THNSL1: variants seen among roughly 807,000 people sequenced by gnomAD.
The protein encoded by THNSL1 is threonine synthase-like 1.
Under a neutral mutation model 50.4 loss-of-function variants are expected in THNSL1, and 48 were observed. That is an observed-to-expected ratio of 0.95 (90% CI 0.76 to 1.21). THNSL1 has a LOEUF of 1.21. THNSL1 is among the 50% of genes most tolerant of loss of function. THNSL1 has a pLI of 0.00. For missense variants in THNSL1, 896 were observed against 871.7 expected (o/e 1.03, Z -0.35); for synonymous variants, 309 against 306.1 (o/e 1.01, Z -0.10).
chr10:25,023,466 T>C lies in THNSL1; in HGVS notation c.243T>C (p.Cys81=). The C allele has an allele frequency of 6.2e-7, 1 of 1,614,116 alleles. No homozygotes were observed. Residue 81 remains cysteine, a synonymous_variant, in exon 3 of 3, where the codon TGT becomes TGC. Transcript: ENST00000376356. ...GAATAATAGGTCAGAAACTAGGTTG[T>C]TGTGTCATAGATGTGGATGATGATA... ...VGRIIGQKLG[C]CVIDVDDDIL...
At chr10:24,973,865 T>C in the THNSL1 span, among the ~76,000 whole-genome samples, 1 of 152,182 alleles carries the variant, frequency 6.6e-6, no homozygotes, top group African/African-American at 2.4e-5. Context: ...GTGATTCTCC[T>C]GCCTCAGCCC....
the THNSL1 span, among the ~76,000 whole-genome samples, chr10:24,974,429 T>A: frequency 1.3e-5 from 2 of 152,202 alleles, no homozygotes; most frequent in Non-Finnish European, 2.9e-5. Context: ...ACTTTAATTG[T>A]ATTTACATGA....
chr10:24,977,731 T>C, the THNSL1 span, among the ~76,000 whole-genome samples: 1 of 152,238 alleles, frequency 6.6e-6, no homozygotes, highest in Non-Finnish European at 1.5e-5. Context: ...TATGTGTGTA[T>C]GTAATTATTA....
the THNSL1 span, among the ~76,000 whole-genome samples, chr10:24,985,287 T>C: frequency 1.3e-5 from 2 of 152,230 alleles, no homozygotes; most frequent in South Asian, 4.2e-4. Context: ...GAACAGAAAA[T>C]TGTTTTGTAA....
the THNSL1 span, among the ~76,000 whole-genome samples, chr10:24,991,224 G>C: frequency 2.0e-5 from 3 of 151,920 alleles, no homozygotes; most frequent in African/African-American, 7.3e-5. Context: ...ACGTTCTTCA[G>C]TTTTTACCTG....
At chr10:25,004,554 T>C in the THNSL1 span, among the ~76,000 whole-genome samples, 1 of 152,210 alleles carries the variant, frequency 6.6e-6, no homozygotes, top group Non-Finnish European at 1.5e-5. Flanking sequence ...TGGTCACATG[T>C]ATGTCTTCTT....
At chr10:25,021,258 CTT>C (rs529346944) in intron 1 of THNSL1, among the ~76,000 whole-genome samples, 3 of 152,218 alleles carry the variant, frequency 2.0e-5, no homozygotes, top group East Asian at 1.9e-4. Context: ...ATTATAGACA[CTT>C]ATATAGCTAA....
At chr10:25,016,995 G>A (rs1295658295) in intron 1 of THNSL1, among the ~76,000 whole-genome samples, 1 of 152,122 alleles carries the variant, frequency 6.6e-6, no homozygotes, top group Non-Finnish European at 1.5e-5. Context: ...CGGGGCCCGC[G>A]GCCTCCTCCG....
rs760920661 is a variant in THNSL1 at position 25,023,795 on chromosome 10, A to G, written c.572A>G (p.Gln191Arg). 36 of 1,614,068 alleles carry G rather than the reference A, an allele frequency of 2.2e-5. No homozygotes were observed. The highest frequency in any genetic ancestry group is 5.3e-5 in the African/African-American group (4 of 74,948). The change falls in exon 3 of 3, where the codon CAG (glutamine) becomes CGG (arginine). Residue 191 changes from glutamine (Q) to arginine (R), a missense_variant. Physicochemically the swap from Gln to Arg is conservative, Grantham distance 43. Coordinates refer to ENST00000376356, the MANE Select transcript of THNSL1 (RefSeq NM_024838.5). ...AAAGACTTACTTAAATTTAGAAGACAGTATTATAAGAAGTGGTATGATGCT... is the reference window on the plus strand; with the variant it reads ...AAAGACTTACTTAAATTTAGAAGACGGTATTATAAGAAGTGGTATGATGCT... ...SMKDLLKFRR[Q>R]YYKKWYDARV...
chr10:25,003,085 TAAGTA>T, the THNSL1 span, among the ~76,000 whole-genome samples: 1 of 152,096 alleles, frequency 6.6e-6, no homozygotes, highest in Non-Finnish European at 1.5e-5. Context: ...AAAATAACAT[TAAGTA>T]AATTAAAATC....
At chr10:25,011,741 A>G (rs1382721227), upstream of THNSL1, among the ~76,000 whole-genome samples, 1 of 152,386 alleles carries the variant, frequency 6.6e-6, no homozygotes, top group East Asian at 1.9e-4. Flanking sequence ...ATGGCAACTT[A>G]TGTTTAAAAG....
chr10:24,955,374 G>A, the THNSL1 span, among the ~76,000 whole-genome samples: 1 of 152,116 alleles, frequency 6.6e-6, no homozygotes, highest in Non-Finnish European at 1.5e-5. Context: ...TTTGGACTAG[G>A]ACCTCTATTT....
At chr10:24,978,848 G>T in the THNSL1 span, among the ~76,000 whole-genome samples, 1 of 152,162 alleles carries the variant, frequency 6.6e-6, no homozygotes. Context: ...TGGAAGGAGG[G>T]TTGGACAAAA....
chr10:24,988,660 A>ATATGTG, the THNSL1 span, among the ~76,000 whole-genome samples: 3 of 57,030 alleles, frequency 5.3e-5, no homozygotes, highest in African/African-American at 2.3e-4. Flanking sequence ...GTGACACAGC[A>ATATGTG]TATGTATATA....
the THNSL1 span, among the ~76,000 whole-genome samples, chr10:24,958,824 C>A: frequency 6.6e-6 from 1 of 152,140 alleles, no homozygotes; most frequent in East Asian, 1.9e-4. Context: ...TCAGAGATAT[C>A]CTCCCACTAT....
At chr10:24,989,664 T>C in the THNSL1 span, among the ~76,000 whole-genome samples, 2 of 152,254 alleles carry the variant, frequency 1.3e-5, no homozygotes, top group African/African-American at 4.8e-5. Flanking sequence ...ATGATTATGA[T>C]GACATTGATA....
At chr10:24,952,568 C>G in the THNSL1 span, 3 of 1,591,200 alleles carry the variant, frequency 1.9e-6, no homozygotes, top group Non-Finnish European at 2.6e-6. The surrounding 1 kb of genome is among the most constrained non-coding windows in gnomAD (Gnocchi z 5.1). Flanking sequence ...CTCGCTGCTC[C>G]CGGCCATGTT....
At chr10:24,980,977 T>G in the THNSL1 span, among the ~76,000 whole-genome samples, 1 of 152,178 alleles carries the variant, frequency 6.6e-6, no homozygotes, top group Non-Finnish European at 1.5e-5. Flanking sequence ...CACCTCAGCC[T>G]CCCAAAGTCT....
At position 25,018,659 on chromosome 10, in the gene THNSL1, G is replaced by GTTTTTTTTTTTTTTTTTTTT. The variant is rs374289213; in HGVS notation, c.-216+1968_-216+1987dup. Reference sequence around the variant, plus strand: ...TGATGTACATAAACAAATGAGAGTTGTTTTTTTTTTTTTTTTTTTTGCGAA... The same window carrying GTTTTTTTTTTTTTTTTTTTT: ...TGATGTACATAAACAAATGAGAGTTGTTTTTTTTTTTTTTTTTTTTTTTTTTTTTTTTTTTTTTTTGCGAA... On this transcript the variant is annotated intron_variant, in intron 1 of 2. Coordinates refer to ENST00000376356, the MANE Select transcript of THNSL1 (RefSeq NM_024838.5). Among the ~76,000 whole-genome samples, 2 of 93,716 alleles carry GTTTTTTTTTTTTTTTTTTTT rather than the reference G, an allele frequency of 2.1e-5. 1 individual carries two copies. Among genetic ancestry groups the GTTTTTTTTTTTTTTTTTTTT allele is most frequent in the Non-Finnish European group, 4.4e-5 (2 of 45,314 alleles). The allele number at this position is 93,716 out of a possible 152,430, so 61.5% of individuals were successfully genotyped here. A position where few individuals can be genotyped will look rare whatever the true frequency, so the allele number is the denominator to read the frequency against.
Sources: gnomAD v4.1 joint callset for allele counts (sites outside exome capture counted in the v4.1 genomes callset) on GRCh38, gnomAD v4.1.1 for gene constraint, Gnocchi (gnomAD v3.1) non-coding constraint, MANE v1.5 for transcripts, NCBI Gene and HGNC (gene_info 2026-07-23, HGNC 2026-07-21) for gene names.